The following KDM4C variants were observed in gnomAD, a reference collection of about 807,000 sequenced individuals.
The protein encoded by KDM4C is lysine-specific demethylase 4C.
In KDM4C, 81 loss-of-function variants were observed where a neutral mutation model predicts 129.3. That is an observed-to-expected ratio of 0.63 (90% CI 0.52 to 0.75). KDM4C has a LOEUF of 0.75. KDM4C is among the 30% of genes least tolerant of loss of function. The pLI is 0.00. For synonymous variants in KDM4C, 573 were observed against 456.1 expected, an observed-to-expected ratio of 1.26 and a Z score of -3.26; for missense variants, 1,457 against 1,304.0, an observed-to-expected ratio of 1.12 and a Z score of -1.81.
Position 6,984,297 on chromosome 9 carries a change from C to G in KDM4C, c.1247C>G (p.Ser416Ter). The G allele has an allele frequency of 6.2e-7, 1 of 1,614,016 alleles. No individual in the cohort carries two copies. The highest frequency in any genetic ancestry group is 8.5e-7 in the Non-Finnish European group (1 of 1,179,950). Reference protein sequence around the residue: ...VTDDLKVSEKSEAAVKLRNTE... With the variant: ...VTDDLKVSEK ...GATGACCTCAAGGTCAGTGAAAAGT[C>G]AGAAGCAGCAGTGAAGCTGAGGAAC... Residue 416 changes from serine to a stop codon, truncating the protein, a stop_gained, in exon 10 of 22, where the codon TCA becomes TGA. Transcript: ENST00000381309. LOFTEE classifies it high-confidence loss of function.
intron 5 of KDM4C, among the ~76,000 whole-genome samples, chr9:6,858,768 T>TC (rs143261157): frequency 0.015 from 2,093 of 139,722 alleles, 27 homozygotes; most frequent in African/African-American, 0.049. Flanking sequence ...TGATTTTGTC[T>TC]CCCCCCCCGG....
At chr9:7,065,841 C>G (rs1042572328) in intron 17 of KDM4C, among the ~76,000 whole-genome samples, 2 of 152,026 alleles carry the variant, frequency 1.3e-5, no homozygotes, top group Non-Finnish European at 2.9e-5. Flanking sequence ...TCTAAAAACT[C>G]TAAATAGTGT....
At position 6,954,174 on chromosome 9, in the gene KDM4C, AT is replaced by A. The variant is rs941775547; in HGVS notation, c.922-26749del. Among the ~76,000 whole-genome samples, 109 of 152,254 alleles carry A rather than the reference AT, an allele frequency of 7.2e-4. 1 individual carries two copies. The highest frequency in any genetic ancestry group is 2.6e-3 in the African/African-American group (106 of 41,556). On this transcript the variant is annotated intron_variant, in intron 8 of 21. Transcript: ENST00000381309. ...GTCCCTTCGTACACAGATACATAGG[AT>A]TCTGATCCTATATATCTTTCAGTGT...
chr9:7,112,138 G>C (rs1216997916), intron 18 of KDM4C, among the ~76,000 whole-genome samples: 1 of 152,114 alleles, frequency 6.6e-6, no homozygotes, highest in East Asian at 1.9e-4. Context: ...TCAAAGTAGG[G>C]AAGATTAAAA....
chr9:6,788,410 T>G (rs181438743), intron 1 of KDM4C, among the ~76,000 whole-genome samples: 1 of 152,210 alleles, frequency 6.6e-6, no homozygotes, highest in Admixed American at 6.5e-5. Context: ...CTGCCTTCTG[T>G]GTACCAAATG....
At chr9:6,810,262 T>G (rs1830902286) in intron 3 of KDM4C, among the ~76,000 whole-genome samples, 1 of 152,258 alleles carries the variant, frequency 6.6e-6, no homozygotes, top group Non-Finnish European at 1.5e-5. Flanking sequence ...GTTGTAGATT[T>G]ACTCTTTCTG....
intron 1 of KDM4C, among the ~76,000 whole-genome samples, chr9:6,725,348 G>C (rs1438639784): frequency 6.6e-6 from 1 of 151,170 alleles, no homozygotes; most frequent in African/African-American, 2.4e-5. Flanking sequence ...GTCTTTCTCT[G>C]TTTCCACTCG....
chr9:6,991,096 A>G (rs1015942362), intron 12 of KDM4C, among the ~76,000 whole-genome samples: 1 of 151,790 alleles, frequency 6.6e-6, no homozygotes, highest in African/African-American at 2.4e-5. Flanking sequence ...TCTTTTTTCA[A>G]GACAGGGTCT....
At chr9:6,967,778 C>G (rs1161791622) in intron 8 of KDM4C, among the ~76,000 whole-genome samples, 1 of 152,158 alleles carries the variant, frequency 6.6e-6, no homozygotes. Context: ...GGATGATACA[C>G]ATTATTAGTA....
At chr9:6,797,135 A>G (rs1827897995) in intron 2 of KDM4C, among the ~76,000 whole-genome samples, 1 of 151,738 alleles carries the variant, frequency 6.6e-6, no homozygotes, top group Admixed American at 6.6e-5. Flanking sequence ...GGGACTACCC[A>G]CGCCTGGGTA....
intron 17 of KDM4C, among the ~76,000 whole-genome samples, chr9:7,069,066 A>G (rs945663170): frequency 3.3e-5 from 5 of 152,136 alleles, no homozygotes; most frequent in African/African-American, 7.2e-5. Flanking sequence ...TCGTAGAATC[A>G]AAATCACCAT....
intron 15 of KDM4C, among the ~76,000 whole-genome samples, chr9:7,031,941 C>G (rs1000919182): frequency 2.0e-5 from 3 of 152,174 alleles, no homozygotes; most frequent in African/African-American, 4.8e-5. Flanking sequence ...TTGTAAGTGA[C>G]TTGTTGAAAA....
chr9:6,919,741 A>G (rs530364274), intron 8 of KDM4C, among the ~76,000 whole-genome samples: 129 of 151,830 alleles, frequency 8.5e-4, no homozygotes, highest in Non-Finnish European at 1.6e-3. Context: ...ATGCCTGGCT[A>G]ATTTTGTATT....
intron 6 of KDM4C, among the ~76,000 whole-genome samples, chr9:6,882,797 T>TGTGTGTGTGTGTGC (rs1844662863): frequency 6.6e-6 from 1 of 151,534 alleles, no homozygotes; most frequent in Middle Eastern, 3.2e-3. Context: ...TGTGTGTGTG[T>TGTGTGTGTGTGTGC]GTGTGTGTGC....
intron 8 of KDM4C, among the ~76,000 whole-genome samples, chr9:6,910,827 C>T (rs1013394479): frequency 6.6e-6 from 1 of 152,054 alleles, no homozygotes; most frequent in African/African-American, 2.4e-5. Flanking sequence ...TTGAACGCTG[C>T]GGGATAGTTG....
At chr9:6,799,899 C>G (rs1052585896) in intron 2 of KDM4C, among the ~76,000 whole-genome samples, 2 of 151,836 alleles carry the variant, frequency 1.3e-5, no homozygotes, top group Admixed American at 6.6e-5. Flanking sequence ...TATTCATATT[C>G]ATATAGTCTG....
At chr9:6,807,270 A>G (rs1317749472) in intron 3 of KDM4C, among the ~76,000 whole-genome samples, 2 of 151,950 alleles carry the variant, frequency 1.3e-5, no homozygotes, top group African/African-American at 4.8e-5. Flanking sequence ...GGCCTCCCAA[A>G]GTGCCGAGAT....
chr9:6,852,793 G>A (rs541213861), intron 5 of KDM4C, among the ~76,000 whole-genome samples: 1 of 152,194 alleles, frequency 6.6e-6, no homozygotes, highest in East Asian at 1.9e-4. Flanking sequence ...GACTGCCTAC[G>A]ATTCCCTCCT....
intron 4 of KDM4C, among the ~76,000 whole-genome samples, chr9:6,824,274 T>C (rs1287245118): frequency 3.9e-5 from 6 of 152,356 alleles, no homozygotes; most frequent in African/African-American, 1.4e-4. Flanking sequence ...TCATTTCTCA[T>C]GTATTCTCTA....
Sources: gnomAD v4.1 joint callset for allele counts (sites outside exome capture counted in the v4.1 genomes callset) on GRCh38, gnomAD v4.1.1 for gene constraint, MANE v1.5 for transcripts, NCBI Gene and HGNC (gene_info 2026-07-23, HGNC 2026-07-21) for gene names.